The following PDE4D variants were observed in gnomAD, a reference collection of about 807,000 sequenced individuals.
PDE4D encodes 3',5'-cyclic-AMP phosphodiesterase 4D.
In PDE4D, 24 loss-of-function variants were observed where a neutral mutation model predicts 87.4. The ratio of observed to expected loss-of-function variants is 0.27; its 90% CI spans 0.20 to 0.39. The LOEUF (loss-of-function observed/expected upper bound fraction) is 0.39. Among genes scored for constraint, PDE4D ranks in the 10% least tolerant of loss-of-function variants. The pLI, the probability that PDE4D is intolerant of heterozygous loss-of-function variation, is 1.00. For missense variants in PDE4D, 714 were observed against 1,041.0 expected, an observed-to-expected ratio of 0.69 and a Z score of 4.32; for synonymous variants, 384 against 383.2, an observed-to-expected ratio of 1.00 and a Z score of -0.02.
intron 1 of PDE4D, among the ~76,000 whole-genome samples, chr5:59,389,440 G>T (rs1361228901): frequency 6.6e-6 from 1 of 151,824 alleles, no homozygotes; most frequent in East Asian, 1.9e-4. Context: ...CTCTTTAAAA[G>T]ATTTTATTTG....
chr5:59,821,571 G>C (rs1769680663), intron 1 of PDE4D, among the ~76,000 whole-genome samples: 1 of 152,190 alleles, frequency 6.6e-6, no homozygotes, highest in African/African-American at 2.4e-5. Context: ...AAATATGCCA[G>C]TATAATCATG....
At chr5:59,091,314 T>C (rs1007424827) in intron 5 of PDE4D, among the ~76,000 whole-genome samples, 3 of 152,068 alleles carry the variant, frequency 2.0e-5, no homozygotes, top group African/African-American at 7.2e-5. Context: ...CTTATGTGCA[T>C]CAAGATACAC....
intron 1 of PDE4D, among the ~76,000 whole-genome samples, chr5:60,315,068 T>C (rs1002037492): frequency 1.3e-5 from 2 of 152,222 alleles, no homozygotes; most frequent in Non-Finnish European, 2.9e-5. Flanking sequence ...CACACTGTCT[T>C]CCACAATGGT....
intron 1 of PDE4D, among the ~76,000 whole-genome samples, chr5:59,487,282 T>G (rs773804072): frequency 1.3e-5 from 2 of 152,144 alleles, no homozygotes; most frequent in Non-Finnish European, 2.9e-5. Flanking sequence ...TGAGCGAAAC[T>G]TCTACTGGGA....
intron 1 of PDE4D, among the ~76,000 whole-genome samples, chr5:60,472,985 T>G (rs1747927594): frequency 6.6e-6 from 1 of 151,908 alleles, no homozygotes; most frequent in Non-Finnish European, 1.5e-5. Context: ...TTATGATTAG[T>G]TTATTGGGAC....
chr5:59,536,397 C>G (rs1404213457), intron 1 of PDE4D, among the ~76,000 whole-genome samples: 1 of 148,652 alleles, frequency 6.7e-6, no homozygotes, highest in African/African-American at 2.5e-5. Context: ...CCCAGCTACT[C>G]GGGAGGCTGA....
chr5:59,869,060 G>C (rs950682288), intron 1 of PDE4D, among the ~76,000 whole-genome samples: 12 of 152,110 alleles, frequency 7.9e-5, no homozygotes, highest in African/African-American at 2.7e-4. Context: ...TTCATTTATT[G>C]TGCTCTGGGT....
chr5:60,444,662 A>G (rs1188786808), intron 1 of PDE4D, among the ~76,000 whole-genome samples: 2 of 152,034 alleles, frequency 1.3e-5, no homozygotes, highest in Non-Finnish European at 2.9e-5. Flanking sequence ...AATAACATGT[A>G]AAAAGGCACT....
At chr5:59,205,237 T>C (rs574410433) in intron 2 of PDE4D, among the ~76,000 whole-genome samples, 1 of 152,136 alleles carries the variant, frequency 6.6e-6, no homozygotes, top group Non-Finnish European at 1.5e-5. Context: ...CTTTGGAAAA[T>C]TCTTTTATTC....
chr5:59,696,879 G>T (rs1751860187), intron 1 of PDE4D, among the ~76,000 whole-genome samples: 1 of 152,092 alleles, frequency 6.6e-6, no homozygotes. Context: ...TTGAAGGAAT[G>T]AAGGACTAAT....
intron 5 of PDE4D, among the ~76,000 whole-genome samples, chr5:59,079,848 G>GGGAGAGGAGAGGAGA (rs36226812): frequency 3.1e-5 from 3 of 97,910 alleles, no homozygotes; most frequent in East Asian, 2.8e-4. Context: ...GGGAGAGGAG[G>GGGAGAGGAGAGGAGA]GGAGAGGAGA....
chr5:59,581,879 T>C (rs535969199), intron 1 of PDE4D, among the ~76,000 whole-genome samples: 5 of 152,266 alleles, frequency 3.3e-5, no homozygotes, highest in African/African-American at 1.2e-4. Flanking sequence ...TCTCATATAA[T>C]GGAAAATCTT....
chr5:60,139,135 T>A (rs953067523), intron 2 of PDE4D, among the ~76,000 whole-genome samples: 2 of 152,088 alleles, frequency 1.3e-5, no homozygotes, highest in Non-Finnish European at 1.5e-5. Context: ...GTTGCTGCTG[T>A]ACACTGCTAC....
chr5:59,707,510 ATTTT>A (rs1276485809), intron 1 of PDE4D, among the ~76,000 whole-genome samples: 1 of 151,618 alleles, frequency 6.6e-6, no homozygotes, highest in African/African-American at 2.4e-5. Context: ...TTAGGTTTTT[ATTTT>A]TTTTGTTTTT....
intron 3 of PDE4D, among the ~76,000 whole-genome samples, chr5:59,901,202 G>C (rs1212441602): frequency 6.6e-6 from 1 of 152,158 alleles, no homozygotes; most frequent in African/African-American, 2.4e-5. Context: ...TCCAAAACTT[G>C]TGATCTTGCC....
At chr5:60,303,199 A>C (rs1042210343) in intron 1 of PDE4D, among the ~76,000 whole-genome samples, 1 of 151,280 alleles carries the variant, frequency 6.6e-6, no homozygotes, top group Non-Finnish European at 1.5e-5. Context: ...TTTTCTCATT[A>C]GTTTCAAAGA....
intron 3 of PDE4D, among the ~76,000 whole-genome samples, chr5:59,920,097 T>C (rs1754503411): frequency 6.6e-6 from 1 of 152,162 alleles, no homozygotes; most frequent in South Asian, 2.1e-4. Context: ...ACCCTAATGT[T>C]GTGCTAGCAA....
chr5:59,409,787 C>T (rs1015068770), intron 1 of PDE4D, among the ~76,000 whole-genome samples: 3 of 147,078 alleles, frequency 2.0e-5, no homozygotes, highest in Non-Finnish European at 4.5e-5. Flanking sequence ...CAATAATGGC[C>T]TAATACATGG....
chr5:59,444,066 A>G (rs924515064), intron 1 of PDE4D, among the ~76,000 whole-genome samples: 1 of 152,190 alleles, frequency 6.6e-6, no homozygotes, highest in Admixed American at 6.5e-5. Flanking sequence ...GCTTTTCTGC[A>G]ACGACACGCT....
Sources: allele counts gnomAD v4.1 joint callset (sites outside exome capture counted in the v4.1 genomes callset), GRCh38; gene constraint gnomAD v4.1.1; transcripts MANE v1.5; gene names NCBI Gene and HGNC (gene_info 2026-07-23, HGNC 2026-07-21).